FBXO8: variants seen among roughly 807,000 people sequenced by gnomAD.
FBXO8 encodes the protein F-box only protein 8.
Under a neutral mutation model 33.4 loss-of-function variants are expected in FBXO8, and 15 were observed. The ratio of observed to expected loss-of-function variants is 0.45; its 90% confidence interval spans 0.30 to 0.69. FBXO8 has a LOEUF of 0.69. Ranked by LOEUF, FBXO8 falls within the 30% of genes least tolerant of loss-of-function variation. The pLI is 0.08. For missense variants in FBXO8, 274 were observed against 380.3 expected, an observed-to-expected ratio of 0.72 and a Z score of 2.32; for synonymous variants, 132 against 131.5, an observed-to-expected ratio of 1.00 and a Z score of -0.02.
Position 174,259,234 on chromosome 4 carries a change from T to C in FBXO8, c.456+465A>G, listed in dbSNP as rs987213979. On this transcript the variant is annotated intron_variant, in intron 3 of 5. Coordinates refer to ENST00000393674, the MANE Select transcript of FBXO8 (RefSeq NM_012180.3). The surrounding 1 kb of genome is among the most constrained non-coding windows in gnomAD (Gnocchi z 4.3). ...TTCCTATGTCAACATGGAATTATAT[T>C]GTTAAAGGCATTATTTGAAGACAAC... Among the ~76,000 whole-genome samples the C allele has an allele frequency of 5.3e-5, 8 of 152,248 alleles. No individual in the cohort carries two copies. In the East Asian group the frequency reaches 1.3e-3, roughly 26 times the overall value.
In FBXO8 at chr4:174,239,140, AACT is replaced by A. The variant is rs1332415385; in HGVS notation, c.623_625del (p.Gln208_Phe209delinsLeu). The A allele has an allele frequency of 6.3e-7, 1 of 1,595,242 alleles. No individual in the cohort carries two copies. Among genetic ancestry groups the A allele is most frequent in the African/African-American group, 1.4e-5 (1 of 74,022 alleles). Reference sequence around the variant, plus strand: ...AAATTCTCTCAGTGCATTTGGCAAGAACTGATTTCTAAAATTATGCAATGTTAC... The same window carrying A: ...AAATTCTCTCAGTGCATTTGGCAAGAGATTTCTAAAATTATGCAATGTTAC... On this transcript the variant is annotated inframe_deletion, in exon 5 of 6. Transcript: ENST00000393674.
At chr4:174,238,958 C>T in intron 5 of FBXO8, 36 bp downstream of exon 5, 1 of 1,250,910 alleles carries the variant, frequency 8.0e-7, no homozygotes, top group Non-Finnish European at 1.1e-6. Context: ...TAAAGATGGG[C>T]AGGGGGTGAT....
At position 174,254,227 on chromosome 4, in the gene FBXO8, C is replaced by T. The variant is rs76350631; in HGVS notation, c.456+5472G>A. On this transcript the variant is annotated intron_variant, in intron 3 of 5. Transcript: ENST00000393674. The surrounding 1 kb of genome is among the most constrained non-coding windows in gnomAD (Gnocchi z 4.2). Reference sequence around the variant, plus strand: ...ATATCACAGCCAAGAATTAGAATTTCGAGTTTATCTTTCTCTTTCTTTATG... The same window carrying T: ...ATATCACAGCCAAGAATTAGAATTTTGAGTTTATCTTTCTCTTTCTTTATG... 3.3e-5 allele frequency among the ~76,000 whole-genome samples: 5 copies of T among 152,030 alleles called. No homozygotes were observed. The highest frequency in any genetic ancestry group is 6.6e-5 in the Admixed American group (1 of 15,244).
In FBXO8 at chr4:174,263,422, A is replaced by G. The variant is rs938688174; in HGVS notation, c.-8-322T>C. On this transcript the variant is annotated intron_variant, in intron 1 of 5. Transcript: ENST00000393674. The surrounding 1 kb of genome is among the most constrained non-coding windows in gnomAD (Gnocchi z 4.2). ...GATGTCCTTAATACTCTTACAAATT[A>G]TAATTATGTGGACTTATGGGCCAGT... Among the ~76,000 whole-genome samples the G allele has an allele frequency of 6.6e-6, 1 of 152,206 alleles. No homozygotes were observed. The highest frequency in any genetic ancestry group is 2.4e-5 in the African/African-American group (1 of 41,464).
Position 174,253,712 on chromosome 4 carries a change from C to A in FBXO8, c.456+5987G>T, listed in dbSNP as rs1195249403. ...AATCATGTAATCTTTCTATTCTATT[C>A]GCTAGTGCTCTAGGGGTGCTCGTGT... On this transcript the variant is annotated intron_variant, in intron 3 of 5. Coordinates refer to ENST00000393674, the MANE Select transcript of FBXO8 (RefSeq NM_012180.3). This position sits in a 1 kb window ranked among gnomAD's most constrained non-coding sequence, Gnocchi z 4.5. 6.6e-6 allele frequency among the ~76,000 whole-genome samples: 1 copy of A among 152,112 alleles called. No homozygotes were observed. The highest frequency in any genetic ancestry group is 1.5e-5 in the Non-Finnish European group (1 of 68,032).
At chr4:174,258,457 T>C (rs1462420711) in intron 3 of FBXO8, among the ~76,000 whole-genome samples, 1 of 152,206 alleles carries the variant, frequency 6.6e-6, no homozygotes, top group Non-Finnish European at 1.5e-5. Flanking sequence ...GTATAAATCA[T>C]TCTAATTTCA....
chr4:174,256,121 C>T lies in FBXO8; in HGVS notation c.456+3578G>A, dbSNP rs1318592749. The T allele has an allele frequency of 2.2e-6, 1 of 456,066 alleles. No individual in the cohort carries two copies. Among genetic ancestry groups the T allele is most frequent in the Admixed American group, 2.3e-5 (1 of 42,554 alleles). 28.3% of individuals were successfully genotyped at this position (456,066 alleles called of 1,614,324 possible). A position where few individuals can be genotyped will look rare whatever the true frequency, so the allele number is the denominator to read the frequency against. On this transcript the variant is annotated intron_variant, in intron 3 of 5. Transcript: ENST00000393674. This position sits in a 1 kb window ranked among gnomAD's most constrained non-coding sequence, Gnocchi z 4.6. ...CCATATCCGTGACATGAACGGTGTCCTTTGGAGAATCTTGTTCCCTGTGGC... is the reference window on the plus strand; with the variant it reads ...CCATATCCGTGACATGAACGGTGTCTTTTGGAGAATCTTGTTCCCTGTGGC...
chr4:174,271,188 C>A (rs1223441064), intron 1 of FBXO8, among the ~76,000 whole-genome samples: 3 of 152,124 alleles, frequency 2.0e-5, no homozygotes, highest in Non-Finnish European at 2.9e-5. Flanking sequence ...CAACATATTT[C>A]TGCAACATGA....
chr4:174,251,767 C>T lies in FBXO8; in HGVS notation c.456+7932G>A, dbSNP rs1186634747. ...AGTGTCTGAGAGGCATAATTTTTCA[C>T]TTTGACTCTAATGCTGATCAAGGAG... On this transcript the variant is annotated intron_variant, in intron 3 of 5. Coordinates refer to ENST00000393674, the MANE Select transcript of FBXO8 (RefSeq NM_012180.3). This position sits in a 1 kb window ranked among gnomAD's most constrained non-coding sequence, Gnocchi z 4.2. Among the ~76,000 whole-genome samples, 1 of 152,066 alleles carries T rather than the reference C, an allele frequency of 6.6e-6. No homozygotes were observed. Among genetic ancestry groups the T allele is most frequent in the Admixed American group, 6.6e-5 (1 of 15,258 alleles).
Position 174,263,047 on chromosome 4 carries a change from G to C in FBXO8, c.46C>G (p.Gln16Glu). 6.2e-7 allele frequency: 1 copy of C among 1,613,906 alleles called. No homozygotes were observed. Among genetic ancestry groups the C allele is most frequent in the Non-Finnish European group, 8.5e-7 (1 of 1,179,920 alleles). Reference sequence around the variant, plus strand: ...TAGCCTTGCTCACTGTAGCCTTCTTGTTGCAGCTGCTGGTTTCTGACCACT... The same window carrying C: ...TAGCCTTGCTCACTGTAGCCTTCTTCTTGCAGCTGCTGGTTTCTGACCACT... ...WRVVRNQQLQ[Q>E]EGYSEQGYLT... Residue 16 changes from glutamine (Q) to glutamate (E), a missense_variant, in exon 2 of 6, where the codon CAA becomes GAA. This residue lies in a region of FBXO8 where 88 missense variants were observed against 86.9 expected (regional missense o/e 1.01). Coordinates refer to ENST00000393674, the MANE Select transcript of FBXO8 (RefSeq NM_012180.3). The surrounding 1 kb of genome is among the most constrained non-coding windows in gnomAD (Gnocchi z 4.2).
chr4:174,246,797 C>T (rs898068407), intron 3 of FBXO8, among the ~76,000 whole-genome samples: 7 of 151,908 alleles, frequency 4.6e-5, no homozygotes, highest in Admixed American at 2.0e-4. Context: ...GGCTCAGAGA[C>T]AGCTACAGTA....
chr4:174,238,706 T>C lies in FBXO8; in HGVS notation c.772+288A>G, dbSNP rs574564606. 1.4e-3 allele frequency among the ~76,000 whole-genome samples: 208 copies of C among 148,954 alleles called. 1 individual carries two copies. Among genetic ancestry groups the C allele is most frequent in the South Asian group, 3.2e-3 (15 of 4,758 alleles). On this transcript the variant is annotated intron_variant, in intron 5 of 5. Coordinates refer to ENST00000393674, the MANE Select transcript of FBXO8 (RefSeq NM_012180.3). ...AATTTGTAATATATATATTTATATA[T>C]AAATTTGTAGGTAATATATAAAAAA...
intron 5 of FBXO8, among the ~76,000 whole-genome samples, chr4:174,238,258 G>A (rs1735934069): frequency 6.6e-6 from 1 of 151,832 alleles, no homozygotes; most frequent in Non-Finnish European, 1.5e-5. Flanking sequence ...TATGCCTAGG[G>A]TAATATTTGA....
chr4:174,252,664 C>T lies in FBXO8; in HGVS notation c.456+7035G>A, dbSNP rs1033836542. 5.3e-5 allele frequency among the ~76,000 whole-genome samples: 7 copies of T among 132,978 alleles called. No homozygotes were observed. The highest frequency in any genetic ancestry group is 1.1e-4 in the Non-Finnish European group (6 of 55,146). 87.2% of individuals were successfully genotyped at this position (132,978 alleles called of 152,430 possible). ...GCATGTGAGTGCATGCACACACACACACACACACACACGCACAGACAATAC... is the reference window on the plus strand; with the variant it reads ...GCATGTGAGTGCATGCACACACACATACACACACACACGCACAGACAATAC... On this transcript the variant is annotated intron_variant, in intron 3 of 5. Transcript: ENST00000393674. This position sits in a 1 kb window ranked among gnomAD's most constrained non-coding sequence, Gnocchi z 5.1.
Position 174,252,781 on chromosome 4 carries a change from G to C in FBXO8, c.456+6918C>G, listed in dbSNP as rs181250765. Among the ~76,000 whole-genome samples the C allele has an allele frequency of 6.6e-6, 1 of 152,060 alleles. No homozygotes were observed. Among genetic ancestry groups the C allele is most frequent in the Admixed American group, 6.6e-5 (1 of 15,254 alleles). Reference sequence around the variant, plus strand: ...CCAGCACTTTGGGAGGCCGAGGCAGGTGGGTCACTTGAGGCAAACCTGTCT... The same window carrying C: ...CCAGCACTTTGGGAGGCCGAGGCAGCTGGGTCACTTGAGGCAAACCTGTCT... On this transcript the variant is annotated intron_variant, in intron 3 of 5. Transcript: ENST00000393674. The surrounding 1 kb of genome is among the most constrained non-coding windows in gnomAD (Gnocchi z 5.1).
At chr4:174,243,527 G>A (rs1304383917) in intron 3 of FBXO8, among the ~76,000 whole-genome samples, 2 of 141,514 alleles carry the variant, frequency 1.4e-5, no homozygotes, top group Non-Finnish European at 3.1e-5. Flanking sequence ...AAGTGATTGC[G>A]GTTTTTGCCA....
intron 2 of FBXO8, among the ~76,000 whole-genome samples, chr4:174,260,068 G>A (rs1333901179): frequency 6.6e-6 from 1 of 151,916 alleles, no homozygotes; most frequent in African/African-American, 2.4e-5. Context: ...ATATTCATGA[G>A]TACTATCTGA....
chr4:174,266,522 TATCTTCCTTAGCATAATAGGG>T (rs749710385), intron 1 of FBXO8, among the ~76,000 whole-genome samples: 1 of 152,164 alleles, frequency 6.6e-6, no homozygotes, highest in Non-Finnish European at 1.5e-5. Context: ...CCCCATTCCC[TATCTTCCTTAGCATAATAGGG>T]ATGTGAAACA....
At chr4:174,282,515 T>C (rs1737134824) in intron 1 of FBXO8, among the ~76,000 whole-genome samples, 1 of 152,192 alleles carries the variant, frequency 6.6e-6, no homozygotes, top group Admixed American at 6.5e-5. Context: ...ATAAAACTTA[T>C]GCATTCTTTA....
Sources: gnomAD v4.1 joint callset for allele counts (sites outside exome capture counted in the v4.1 genomes callset) on GRCh38, gnomAD v4.1.1 for gene constraint, gnomAD v4.1.1 regional missense constraint, Gnocchi (gnomAD v3.1) non-coding constraint, MANE v1.5 for transcripts, NCBI Gene and HGNC (gene_info 2026-07-23, HGNC 2026-07-21) for gene names.